Variants in STK31 observed in about 807,000 individuals in gnomAD.
STK31 encodes the protein serine/threonine kinase 31.
STK31 carries 89 observed loss-of-function variants against 129.7 expected under a neutral mutation model. The ratio of observed to expected loss-of-function variants is 0.69; its 90% CI spans 0.58 to 0.82. STK31 has a LOEUF of 0.82. Among genes scored for constraint, STK31 ranks in the 40% least tolerant of loss-of-function variants. The pLI is 0.00. For synonymous variants in STK31, 448 were observed against 395.3 expected, an observed-to-expected ratio of 1.13 and a Z score of -1.58; for missense variants, 1,187 against 1,176.4, an observed-to-expected ratio of 1.01 and a Z score of -0.13.
chr7:23,780,722 A>T (rs763821197), intron 15 of STK31, among the ~76,000 whole-genome samples: 4 of 152,210 alleles, frequency 2.6e-5, no homozygotes, highest in African/African-American at 4.8e-5. Flanking sequence ...AAAATAAGCC[A>T]TCAATTTACC....
At chr7:23,747,896 C>T (rs1788459452) in intron 8 of STK31, among the ~76,000 whole-genome samples, 1 of 151,956 alleles carries the variant, frequency 6.6e-6, no homozygotes, top group African/African-American at 2.4e-5. Flanking sequence ...CAATTTTATT[C>T]ATCTTTTCAA....
intron 15 of STK31, 83 bp downstream of exon 15, chr7:23,772,361 A>G (rs898364034): frequency 2.9e-6 from 4 of 1,365,342 alleles, no homozygotes; most frequent in Non-Finnish European, 4.0e-6. Context: ...ATGCATAAAT[A>G]CACTCTTTAC....
At chr7:23,831,300 G>A (rs1191681486) in intron 23 of STK31, among the ~76,000 whole-genome samples, 2 of 152,120 alleles carry the variant, frequency 1.3e-5, no homozygotes, top group Non-Finnish European at 2.9e-5. Flanking sequence ...TTGGATCCAT[G>A]TATATGTTTA....
intron 21 of STK31, among the ~76,000 whole-genome samples, chr7:23,790,505 A>G (rs754779193): frequency 9.2e-5 from 14 of 152,198 alleles, no homozygotes; most frequent in Non-Finnish European, 1.6e-4. Flanking sequence ...TTTCAGAATT[A>G]GAACATGGCA....
chr7:23,787,643 T>A (rs1184574919), intron 20 of STK31, among the ~76,000 whole-genome samples: 1 of 152,004 alleles, frequency 6.6e-6, no homozygotes, highest in Non-Finnish European at 1.5e-5. Context: ...ATGCCTGTGA[T>A]CTGAGGTGGA....
chr7:23,752,211 G>A (rs978072047), intron 8 of STK31, among the ~76,000 whole-genome samples: 38 of 152,066 alleles, frequency 2.5e-4, no homozygotes, highest in Admixed American at 2.5e-3. Context: ...CCAAAAAGCT[G>A]TGCCAGGAGT....
intron 8 of STK31, among the ~76,000 whole-genome samples, chr7:23,749,632 C>G (rs1408515223): frequency 6.6e-6 from 1 of 151,810 alleles, no homozygotes; most frequent in Non-Finnish European, 1.5e-5. Context: ...GAATTATAGG[C>G]ATTAGCCACT....
At chr7:23,762,263 TAA>T (rs1789522089) in intron 10 of STK31, among the ~76,000 whole-genome samples, 1 of 143,174 alleles carries the variant, frequency 7.0e-6, no homozygotes, top group Non-Finnish European at 1.5e-5. Context: ...TAAAAATTTT[TAA>T]AAGACATATC....
intron 10 of STK31, among the ~76,000 whole-genome samples, chr7:23,760,827 C>T (rs1047451690): frequency 3.3e-5 from 5 of 151,976 alleles, no homozygotes; most frequent in Non-Finnish European, 2.9e-5. Context: ...CCATGCCTGG[C>T]TAATTTTTTT....
chr7:23,815,171 A>G lies in STK31; in HGVS notation c.2788A>G (p.Ile930Val), dbSNP rs866322660. The G allele has an allele frequency of 1.0e-5, 16 of 1,600,330 alleles. No individual in the cohort carries two copies. Among genetic ancestry groups the G allele is most frequent in the African/African-American group, 8.1e-5 (6 of 74,258 alleles). Reference sequence around the variant, plus strand: ...TTCTGTTCAAAATCAGGAGTTTGAGATAAATAAAGATGGAATCCCCAAAGT... The same window carrying G: ...TTCTGTTCAAAATCAGGAGTTTGAGGTAAATAAAGATGGAATCCCCAAAGT... ...WLSVQNQEFE[I>V]NKDGIPKVDQ... Residue 930 changes from isoleucine to valine, a missense_variant, in exon 23 of 24, where the codon ATA becomes GTA. Around this residue, in one of 5 missense-constraint regions of STK31, gnomAD observed 975 missense variants for 934.9 expected, o/e 1.04. Transcript: ENST00000355870.
At chr7:23,764,711 G>A (rs966002404) in intron 11 of STK31, among the ~76,000 whole-genome samples, 1 of 151,960 alleles carries the variant, frequency 6.6e-6, no homozygotes, top group African/African-American at 2.4e-5. Context: ...GAAATAGATA[G>A]GTTTGTCCCT....
intron 23 of STK31, among the ~76,000 whole-genome samples, chr7:23,819,291 C>T (rs1458486009): frequency 1.3e-5 from 2 of 152,182 alleles, no homozygotes; most frequent in Non-Finnish European, 2.9e-5. Flanking sequence ...CAAATATTTA[C>T]TGAATGTCTG....
chr7:23,784,037 A>G (rs1477408781), intron 17 of STK31, among the ~76,000 whole-genome samples: 1 of 152,196 alleles, frequency 6.6e-6, no homozygotes, highest in Non-Finnish European at 1.5e-5. Context: ...GGGTTTTTTA[A>G]GTTAAAGCAG....
chr7:23,765,955 T>G (rs532484624), intron 11 of STK31, among the ~76,000 whole-genome samples: 13 of 152,346 alleles, frequency 8.5e-5, no homozygotes, highest in African/African-American at 2.9e-4. Flanking sequence ...GTCTAGGATT[T>G]TAGTCACGGG....
chr7:23,727,663 A>G, intron 5 of STK31: 1 of 195,908 alleles, frequency 5.1e-6, no homozygotes, highest in Non-Finnish European at 9.9e-6. Context: ...CCTAGGTTCA[A>G]GCTATTCTCC....
At chr7:23,718,166 A>T (rs1306837704) in intron 4 of STK31, among the ~76,000 whole-genome samples, 4 of 152,124 alleles carry the variant, frequency 2.6e-5, no homozygotes, top group African/African-American at 9.7e-5. Context: ...TATTCTAGCC[A>T]AAAAAACAAA....
chr7:23,729,611 A>G (rs1270168572), intron 6 of STK31, among the ~76,000 whole-genome samples: 1 of 151,676 alleles, frequency 6.6e-6, no homozygotes, highest in African/African-American at 2.4e-5. Context: ...CCCAGGTTCA[A>G]GCAATTCTTC....
intron 1 of STK31, among the ~76,000 whole-genome samples, chr7:23,711,446 A>C (rs183331755): frequency 1.6e-3 from 247 of 150,206 alleles, no homozygotes; most frequent in Admixed American, 3.9e-3. Context: ...AAAAAAACCC[A>C]TAAAAAATCT....
At chr7:23,825,656 G>T (rs1030755545) in intron 23 of STK31, among the ~76,000 whole-genome samples, 6 of 152,106 alleles carry the variant, frequency 3.9e-5, no homozygotes, top group Non-Finnish European at 7.4e-5. Flanking sequence ...GAAGGTGTTT[G>T]CTCTTGCTCC....
Sources: allele counts gnomAD v4.1 joint callset (sites outside exome capture counted in the v4.1 genomes callset), GRCh38; gene constraint gnomAD v4.1.1; regional missense constraint gnomAD v4.1.1; transcripts MANE v1.5; gene names NCBI Gene and HGNC (gene_info 2026-07-23, HGNC 2026-07-21).